The following FSCN2 variants were observed in gnomAD, a reference collection of about 807,000 sequenced individuals.
FSCN2 encodes fascin actin-bundling protein 2, retinal.
A neutral mutation model predicts 37.8 loss-of-function variants in FSCN2; 46 were observed. That is an observed-to-expected ratio of 1.22 (90% CI 0.96 to 1.56). The LOEUF (loss-of-function observed/expected upper bound fraction) is 1.56. Among genes scored for constraint, FSCN2 ranks in the 40% most tolerant of loss-of-function variants. The pLI is 0.00. For missense variants in FSCN2, 844 were observed against 730.4 expected (o/e 1.16, Z -1.79); for synonymous variants, 351 against 309.4 (o/e 1.13, Z -1.41).
At chr17:81,516,148 G>A in the FSCN2 span, among the ~76,000 whole-genome samples, 1 of 152,260 alleles carries the variant, frequency 6.6e-6, no homozygotes, top group African/African-American at 2.4e-5. Flanking sequence ...CCAGCCTGGA[G>A]TGTCTCATCT....
chr17:81,517,161 G>GCCCCA, the FSCN2 span, among the ~76,000 whole-genome samples: 5 of 132,898 alleles, frequency 3.8e-5, no homozygotes, highest in Non-Finnish European at 3.2e-5. Context: ...CCCCTGCCCC[G>GCCCCA]CCCCACCCCC....
At chr17:81,528,277 A>C, upstream of FSCN2, 1 of 518,448 alleles carries the variant, frequency 1.9e-6, no homozygotes, top group South Asian at 2.2e-5. Context: ...GGGTAATGAA[A>C]GGTGCTGCTC....
In FSCN2 at chr17:81,528,417, T is replaced by TGGGTCTG; in HGVS notation, c.-111_-105dup. On this transcript the variant is annotated 5_prime_UTR_variant, in exon 1 of 5. Coordinates refer to ENST00000417245, the MANE Select transcript of FSCN2 (RefSeq NM_012418.4). ...CAGGCAGGGGGTTCGTGACGCCGGC[T>TGGGTCTG]GGGTCTGGGGGCTGTGGGCCAGCCG... 1.3e-6 allele frequency: 1 copy of TGGGTCTG among 747,130 alleles called. No individual in the cohort carries two copies. The highest frequency in any genetic ancestry group is 2.2e-6 in the Non-Finnish European group (1 of 460,420). 46.3% of individuals were successfully genotyped at this position (747,130 alleles called of 1,614,324 possible). A position where few individuals can be genotyped will look rare whatever the true frequency, so the allele number is the denominator to read the frequency against.
rs1333885863 is a variant in FSCN2, at chr17:81,535,282, CCATCCG to C, written c.983+80_983+85del. The C allele has an allele frequency of 2.7e-5, 25 of 925,410 alleles. 2 individuals are homozygous for C. Among genetic ancestry groups the C allele is most frequent in the African/African-American group, 2.6e-4 (11 of 42,656 alleles). 57.3% of individuals were successfully genotyped at this position (925,410 alleles called of 1,614,324 possible). A position where few individuals can be genotyped will look rare whatever the true frequency, so the allele number is the denominator to read the frequency against. ...ACCATCCCCATCATCACCATCCCCA[CCATCCG>C]CATCCCCATCTCCATCCCCACCACC... On this transcript the variant is annotated intron_variant, in intron 2 of 4. Coordinates refer to ENST00000417245, the MANE Select transcript of FSCN2 (RefSeq NM_012418.4).
At chr17:81,525,864 G>A (rs2032335059), upstream of FSCN2, among the ~76,000 whole-genome samples, 1 of 152,168 alleles carries the variant, frequency 6.6e-6, no homozygotes. Flanking sequence ...CAACAGCCTG[G>A]GGTCCTGAGG....
intron 1 of FSCN2, chr17:81,529,630 G>T: frequency 1.4e-6 from 1 of 690,756 alleles, no homozygotes; most frequent in Non-Finnish European, 2.7e-6. Flanking sequence ...GAATGTCTCA[G>T]CCAAGCCCTG....
intron 1 of FSCN2, among the ~76,000 whole-genome samples, chr17:81,530,343 C>T (rs1555671063): frequency 6.6e-6 from 1 of 152,242 alleles, no homozygotes. Context: ...CGTGGCCTGG[C>T]TCTCCCCAGT....
chr17:81,517,760 G>GCC, the FSCN2 span, among the ~76,000 whole-genome samples: 10 of 113,292 alleles, frequency 8.8e-5, no homozygotes, highest in Non-Finnish European at 1.7e-4. Flanking sequence ...AGCTCCGGCC[G>GCC]CCCCCCCCCC....
chr17:81,531,213 G>GTGATGA (rs1568076852), intron 1 of FSCN2, among the ~76,000 whole-genome samples: 7 of 136,520 alleles, frequency 5.1e-5, no homozygotes, highest in African/African-American at 2.1e-4. Flanking sequence ...GGTGGTGATG[G>GTGATGA]TGGTGATGGT....
chr17:81,523,850 C>G (rs74006323), upstream of FSCN2: 8,513 of 152,482 alleles, frequency 0.056, 598 homozygotes, highest in African/African-American at 0.16. Flanking sequence ...ACCTCTCCCC[C>G]AGCTGCACAC....
chr17:81,531,800 AATGGTGATGATGGTG>A (rs2032637818), intron 1 of FSCN2, among the ~76,000 whole-genome samples: 1 of 19,928 alleles, frequency 5.0e-5, no homozygotes, highest in Admixed American at 5.2e-4. Flanking sequence ...TGATGATGAT[AATGGTGATGATGGTG>A]GTGGTGATGG....
chr17:81,531,792 ATGATGATAATGGTGATGATGGTGGTGG>A (rs2032635592), intron 1 of FSCN2, among the ~76,000 whole-genome samples: 1 of 64,926 alleles, frequency 1.5e-5, no homozygotes, highest in Non-Finnish European at 3.1e-5. Flanking sequence ...GATGATGGTG[ATGATGATAATGGTGATGATGGTGGTGG>A]TGATGGTGGT....
At chr17:81,532,464 A>G (rs552527531) in intron 1 of FSCN2, among the ~76,000 whole-genome samples, 29,555 of 128,726 alleles carry the variant, frequency 0.23, 3,785 homozygotes, top group Non-Finnish European at 0.28. Context: ...GGTGGTGGTG[A>G]TGGTGGTGGT....
At chr17:81,518,803 G>C in the FSCN2 span, among the ~76,000 whole-genome samples, 1 of 152,208 alleles carries the variant, frequency 6.6e-6, no homozygotes, top group African/African-American at 2.4e-5. Context: ...GTCTCCACTC[G>C]AGGGACGGCT....
chr17:81,531,342 GTGGTGATGATGGTGATGGTGA>G (rs573658774), intron 1 of FSCN2, among the ~76,000 whole-genome samples: 57 of 45,634 alleles, frequency 1.2e-3, no homozygotes, highest in Non-Finnish European at 1.8e-3. Context: ...GGTGATGGTG[GTGGTGATGATGGTGATGGTGA>G]TGATGGTGGT....
upstream of FSCN2, among the ~76,000 whole-genome samples, chr17:81,524,506 G>A (rs971489477): frequency 6.6e-6 from 1 of 152,228 alleles, no homozygotes; most frequent in African/African-American, 2.4e-5. Context: ...GTGTGGCAGC[G>A]CCTTTGAATG....
chr17:81,537,089 C>A lies in FSCN2; in HGVS notation c.*9C>A, dbSNP rs779515368. 2.1e-6 allele frequency: 3 copies of A among 1,417,894 alleles called. No individual in the cohort carries two copies. Among genetic ancestry groups the A allele is most frequent in the African/African-American group, 3.0e-5 (2 of 66,126 alleles). 87.8% of individuals were successfully genotyped at this position (1,417,894 alleles called of 1,614,324 possible). On this transcript the variant is annotated 3_prime_UTR_variant, in exon 5 of 5. Transcript: ENST00000417245. ...CGCTTTGGGAGTACTGAGGCCGCGC[C>A]CAGACCAGCCTGTCGCGCATTAAAA...
intron 1 of FSCN2, among the ~76,000 whole-genome samples, chr17:81,534,554 T>TG (rs1204925986): frequency 6.6e-6 from 1 of 151,616 alleles, no homozygotes; most frequent in Non-Finnish European, 1.5e-5. Flanking sequence ...CCAGGGGTCC[T>TG]GGGAGACCAA....
the FSCN2 span, among the ~76,000 whole-genome samples, chr17:81,523,063 C>T: frequency 6.6e-6 from 1 of 152,246 alleles, no homozygotes; most frequent in Non-Finnish European, 1.5e-5. Flanking sequence ...CTCCCCTCCC[C>T]TTCCAGGCAC....
Sources: allele counts gnomAD v4.1 joint callset (sites outside exome capture counted in the v4.1 genomes callset), GRCh38; gene constraint gnomAD v4.1.1; transcripts MANE v1.5; gene names NCBI Gene and HGNC (gene_info 2026-07-23, HGNC 2026-07-21).